PPARGC1A: variants seen among roughly 807,000 people sequenced by gnomAD.
PPARGC1A encodes the protein PPARG coactivator 1 alpha.
In PPARGC1A, 25 loss-of-function variants were observed where a neutral mutation model predicts 88.7. The observed-to-expected ratio is 0.28, with a 90% confidence interval of 0.21 to 0.39. The LOEUF (loss-of-function observed/expected upper bound fraction) is 0.39. Ranked by LOEUF, PPARGC1A falls within the 10% of genes least tolerant of loss-of-function variation. The probability of loss-of-function intolerance (pLI) is 1.00; values close to 1 mark genes in which losing one functional copy is unlikely to be tolerated. For missense variants in PPARGC1A, 880 were observed against 968.7 expected, an observed-to-expected ratio of 0.91 and a Z score of 1.22; for synonymous variants, 363 against 355.6, an observed-to-expected ratio of 1.02 and a Z score of -0.24.
the PPARGC1A span, among the ~76,000 whole-genome samples, chr4:24,145,078 A>AGTGTGTGTGTGTGTGT: frequency 2.1e-5 from 3 of 144,220 alleles, no homozygotes; most frequent in East Asian, 2.1e-4. Flanking sequence ...GTGTTGAATG[A>AGTGTGTGTGTGTGTGT]GTGTGTGTGT....
chr4:24,110,571 G>A, the PPARGC1A span, among the ~76,000 whole-genome samples: 1 of 152,244 alleles, frequency 6.6e-6, no homozygotes, highest in South Asian at 2.1e-4. Flanking sequence ...GGCATCTGGG[G>A]ACACAGCAAG....
chr4:24,175,371 TTTCG>T, the PPARGC1A span, among the ~76,000 whole-genome samples: 721 of 145,376 alleles, frequency 5.0e-3, 6 homozygotes, highest in African/African-American at 0.017. Flanking sequence ...TTTCTCTTTG[TTTCG>T]TTTTTTTTTT....
At chr4:23,817,554 C>T (rs1253706303) in intron 7 of PPARGC1A, among the ~76,000 whole-genome samples, 1 of 152,014 alleles carries the variant, frequency 6.6e-6, no homozygotes, top group Non-Finnish European at 1.5e-5. Flanking sequence ...TTGATGGAAA[C>T]ACCCAGAGAC....
In PPARGC1A at chr4:23,845,098, G is replaced by A. The variant is rs114363251; in HGVS notation, c.235-13347C>T. Among the ~76,000 whole-genome samples the A allele has an allele frequency of 2.3e-3, 355 of 151,584 alleles. 1 individual carries two copies. Among genetic ancestry groups the A allele is most frequent in the Admixed American group, 3.9e-3 (59 of 15,100 alleles). On this transcript the variant is annotated intron_variant, in intron 2 of 12. Transcript: ENST00000264867. ...ATAGGCAAAATATTTAACAAACATC[G>A]CACAAGAACATTGATCAATCAGAAC...
the PPARGC1A span, among the ~76,000 whole-genome samples, chr4:23,976,538 C>G: frequency 6.6e-6 from 1 of 152,150 alleles, no homozygotes; most frequent in Non-Finnish European, 1.5e-5. Flanking sequence ...TTATGTCTCA[C>G]CCTACCACCA....
At chr4:23,859,861 C>CA (rs1730927284) in intron 2 of PPARGC1A, among the ~76,000 whole-genome samples, 1 of 147,332 alleles carries the variant, frequency 6.8e-6, no homozygotes, top group Non-Finnish European at 1.5e-5. Context: ...AAAATAACAC[C>CA]AAAAAAGAGA....
chr4:24,102,756 T>A, the PPARGC1A span, among the ~76,000 whole-genome samples: 20 of 152,136 alleles, frequency 1.3e-4, no homozygotes, highest in Admixed American at 1.2e-3. Flanking sequence ...GCTGCTTTTA[T>A]TTATAGAGGA....
the PPARGC1A span, among the ~76,000 whole-genome samples, chr4:24,040,178 A>C: frequency 6.6e-6 from 1 of 152,202 alleles, no homozygotes; most frequent in Non-Finnish European, 1.5e-5. Flanking sequence ...TCTTTGCATT[A>C]GGTACGACAT....
chr4:24,073,588 G>A, the PPARGC1A span, among the ~76,000 whole-genome samples: 1 of 152,178 alleles, frequency 6.6e-6, no homozygotes, highest in Non-Finnish European at 1.5e-5. Flanking sequence ...CTTTGGGAGT[G>A]ATAGCGAGAT....
At chr4:24,231,978 T>C in the PPARGC1A span, among the ~76,000 whole-genome samples, 3 of 152,332 alleles carry the variant, frequency 2.0e-5, no homozygotes, top group Admixed American at 2.0e-4. Flanking sequence ...AGAAAAACTT[T>C]TCAAATTCAC....
the PPARGC1A span, among the ~76,000 whole-genome samples, chr4:24,174,253 T>C: frequency 1.3e-5 from 2 of 152,210 alleles, no homozygotes; most frequent in African/African-American, 4.8e-5. Context: ...AGTAAACCCT[T>C]TGCAGGTTCT....
At chr4:24,187,973 A>G in the PPARGC1A span, among the ~76,000 whole-genome samples, 1 of 152,224 alleles carries the variant, frequency 6.6e-6, no homozygotes, top group South Asian at 2.1e-4. Context: ...TAAGTTGATT[A>G]ATTAAAGCTT....
In PPARGC1A at chr4:23,818,215, T is replaced by G. The variant is rs115658474; in HGVS notation, c.878-3610A>C. Among the ~76,000 whole-genome samples the G allele has an allele frequency of 5.7e-3, 861 of 152,286 alleles. 11 individuals carry two copies. The highest frequency in any genetic ancestry group is 0.04 in the South Asian group (193 of 4,824). ...TTTGGTGTTGACAGTACAAGGTATA[T>G]TCCATGCTCTCTCTTGAACTTAGCA... On this transcript the variant is annotated intron_variant, in intron 7 of 12. Transcript: ENST00000264867.
the PPARGC1A span, among the ~76,000 whole-genome samples, chr4:24,387,746 A>AAGAGAGAGAGAGAGAGAGAG: frequency 1.6e-5 from 1 of 61,120 alleles, no homozygotes; most frequent in Non-Finnish European, 3.1e-5. Context: ...GAAAGAAAGA[A>AAGAGAGAGAGAGAGAGAGAG]AGAGAGAGAG....
the PPARGC1A span, among the ~76,000 whole-genome samples, chr4:24,299,385 G>T: frequency 6.6e-6 from 1 of 152,122 alleles, no homozygotes; most frequent in Admixed American, 6.6e-5. Flanking sequence ...TATGTCTTGT[G>T]CATGAGCCTT....
the PPARGC1A span, among the ~76,000 whole-genome samples, chr4:24,333,940 C>CAAAAAAAAAAAAAAAAAAAAA: frequency 7.2e-5 from 1 of 13,830 alleles, no homozygotes; most frequent in African/African-American, 1.9e-4. Context: ...ACAACAACAA[C>CAAAAAAAAAAAAAAAAAAAAA]AAAAAAAAAA....
the PPARGC1A span, among the ~76,000 whole-genome samples, chr4:23,964,350 G>C: frequency 6.6e-6 from 1 of 152,164 alleles, no homozygotes; most frequent in Non-Finnish European, 1.5e-5. Context: ...GAAGGTCATA[G>C]ATTAGAAATG....
the PPARGC1A span, among the ~76,000 whole-genome samples, chr4:24,103,407 G>A: frequency 1.3e-5 from 2 of 150,694 alleles, no homozygotes; most frequent in Non-Finnish European, 2.9e-5. Flanking sequence ...CAAAACGAAT[G>A]GAAATGTGGA....
chr4:24,145,229 A>G, the PPARGC1A span, among the ~76,000 whole-genome samples: 92 of 152,038 alleles, frequency 6.1e-4, no homozygotes, highest in Non-Finnish European at 5.9e-5. Context: ...TGAAGAGATG[A>G]ACCACTTTGC....
Sources: allele counts gnomAD v4.1 joint callset (sites outside exome capture counted in the v4.1 genomes callset), GRCh38; gene constraint gnomAD v4.1.1; transcripts MANE v1.5; gene names NCBI Gene and HGNC (gene_info 2026-07-23, HGNC 2026-07-21).